The following TJP1 variants were observed in gnomAD, a reference collection of about 807,000 sequenced individuals.
The protein encoded by TJP1 is tight junction protein 1, also known as tight junction protein ZO-1.
In TJP1, 43 loss-of-function variants were observed where a neutral mutation model predicts 194.2. That is an observed-to-expected ratio of 0.22 (90% confidence interval 0.17 to 0.29). The LOEUF is 0.29. Among genes scored for constraint, TJP1 ranks in the 10% least tolerant of loss-of-function variants. The pLI, the probability that TJP1 is intolerant of heterozygous loss-of-function variation, is 1.00. For synonymous variants in TJP1, 801 were observed against 779.0 expected (o/e 1.03, Z -0.47); for missense variants, 1,971 against 2,185.7 (o/e 0.90, Z 1.96).
At chr15:29,735,078 T>G (rs541265327) in intron 11 of TJP1, among the ~76,000 whole-genome samples, 20 of 152,288 alleles carry the variant, frequency 1.3e-4, no homozygotes, top group African/African-American at 4.6e-4. Flanking sequence ...GCTCAGTGTT[T>G]GCCAAGTTAA....
At chr15:29,833,048 C>T (rs2050886940) in intron 2 of TJP1, among the ~76,000 whole-genome samples, 1 of 152,186 alleles carries the variant, frequency 6.6e-6, no homozygotes, top group Non-Finnish European at 1.5e-5. Flanking sequence ...GAGAACAAAT[C>T]ATGTTTCCTC....
intron 8 of TJP1, among the ~76,000 whole-genome samples, chr15:29,754,208 CAT>C (rs754688757): frequency 2.6e-5 from 4 of 152,144 alleles, no homozygotes; most frequent in African/African-American, 9.7e-5. Flanking sequence ...TAAAAAAGAA[CAT>C]GTCTTTTGCC....
rs545102017 is a variant in TJP1 at position 29,733,302 on chromosome 15, T to C, written c.1528A>G (p.Ile510Val). ...GAATCTCCTACATCTGATTCTACAA[T>C]GCGACGATAAACTAAAAGGAATAAA... ...AQKKKDVYRR[I>V]VESDVGDSFY... Residue 510 changes from isoleucine (I) to valine (V), a missense_variant, in exon 13 of 28, where the codon ATT (isoleucine) becomes GTT (valine). Physicochemically the swap from Ile to Val is conservative, Grantham distance 29 (BLOSUM62 3). Transcript: ENST00000614355. The C allele has an allele frequency of 6.2e-7, 1 of 1,609,780 alleles. No individual in the cohort carries two copies.
At chr15:29,850,356 A>C (rs116038036) in intron 2 of TJP1, among the ~76,000 whole-genome samples, 5,861 of 152,152 alleles carry the variant, frequency 0.039, 401 homozygotes, top group African/African-American at 0.13. Flanking sequence ...TTTGATACGG[A>C]GTCTCACTCT....
chr15:29,753,483 CAAAAAAAAAAAAAAAA>C (rs34221786), intron 8 of TJP1, among the ~76,000 whole-genome samples: 14 of 47,938 alleles, frequency 2.9e-4, no homozygotes, highest in Non-Finnish European at 5.2e-4. Flanking sequence ...GACTCTGTGT[CAAAAAAAAAAAAAAAA>C]AAAAAAAAAA....
intron 1 of TJP1, among the ~76,000 whole-genome samples, chr15:29,967,804 T>C (rs1043176018): frequency 1.3e-5 from 2 of 152,226 alleles, no homozygotes; most frequent in Non-Finnish European, 2.9e-5. Context: ...CTGTGCTCAA[T>C]TGAATTGAAT....
In TJP1 at chr15:29,783,840, A is replaced by G. The variant is rs374092845; in HGVS notation, c.85-10483T>C. On this transcript the variant is annotated intron_variant, in intron 2 of 27. Transcript: ENST00000614355. ...GAGGTGGGAGAGGAGCAGAGAAAGT[A>G]ACTATTCGGTACTAGGCTTAGTACT... Among the ~76,000 whole-genome samples the G allele has an allele frequency of 3.0e-4, 46 of 152,302 alleles. No homozygotes were observed. In the East Asian group the frequency reaches 7.0e-3, roughly 23 times the overall value.
At chr15:29,841,825 G>C (rs960726515) in intron 2 of TJP1, among the ~76,000 whole-genome samples, 1 of 151,664 alleles carries the variant, frequency 6.6e-6, no homozygotes, top group Non-Finnish European at 1.5e-5. Flanking sequence ...ATGTGATTGA[G>C]AAGCATCGAA....
chr15:29,948,569 G>T (rs1269841293), intron 2 of TJP1, among the ~76,000 whole-genome samples: 1 of 152,168 alleles, frequency 6.6e-6, no homozygotes, highest in Admixed American at 6.5e-5. Context: ...GAGAGCCACA[G>T]AAAGAGACAC....
At chr15:29,903,093 AG>A (rs1046479845) in intron 2 of TJP1, among the ~76,000 whole-genome samples, 1 of 152,038 alleles carries the variant, frequency 6.6e-6, no homozygotes, top group Admixed American at 6.6e-5. Flanking sequence ...ACACACTAGA[AG>A]GGGGCCCTTG....
intron 2 of TJP1, among the ~76,000 whole-genome samples, chr15:29,902,063 G>A (rs2053651692): frequency 6.6e-6 from 1 of 152,094 alleles, no homozygotes; most frequent in Non-Finnish European, 1.5e-5. Flanking sequence ...AACCCTGAAT[G>A]CAACTCTATT....
At chr15:29,757,207 G>T (rs981603369) in intron 8 of TJP1, among the ~76,000 whole-genome samples, 21 of 152,182 alleles carry the variant, frequency 1.4e-4, no homozygotes, top group African/African-American at 5.1e-4. Context: ...TGAAGATGAA[G>T]AGGTTATTAT....
At chr15:29,737,562 AGT>A in intron 10 of TJP1, 148 bp from the exon 11 acceptor site, 1 of 854,428 alleles carries the variant, frequency 1.2e-6, no homozygotes. Flanking sequence ...AATAAAATTT[AGT>A]GTTAGAATTC....
intron 2 of TJP1, among the ~76,000 whole-genome samples, chr15:29,890,046 T>C (rs2053249004): frequency 6.6e-6 from 1 of 152,196 alleles, no homozygotes; most frequent in African/African-American, 2.4e-5. Flanking sequence ...TTTTCTCCTC[T>C]TCCACCCCTC....
At position 29,783,246 on chromosome 15, in the gene TJP1, C is replaced by T. The variant is rs142561097; in HGVS notation, c.85-9889G>A. Among the ~76,000 whole-genome samples, 16 of 152,180 alleles carry T rather than the reference C, an allele frequency of 1.1e-4. No homozygotes were observed. The East Asian group carries it at 3.1e-3, about 29-fold the overall frequency. On this transcript the variant is annotated intron_variant, in intron 2 of 27. Transcript: ENST00000614355. ...CCAAGATTGTGCCACTGCACTCCAG[C>T]CTGGGCAAAAAGAGCAAAACTCCAT... is the stretch of plus-strand genomic sequence containing the variant.
chr15:29,876,150 G>C (rs1434249790), intron 2 of TJP1, among the ~76,000 whole-genome samples: 25 of 152,176 alleles, frequency 1.6e-4, no homozygotes, highest in Admixed American at 1.6e-3. Flanking sequence ...CATTAAGCTT[G>C]TCTAACCTGC....
In TJP1 at chr15:29,898,707, T is replaced by C. The variant is rs929844317; in HGVS notation, c.306+57525A>G. ...TTCAAAGGATGTTCATCAGAGCATT[T>C]TGGATTTCAGATTTTCAGATTACGG... On this transcript the variant is annotated intron_variant, in intron 2 of 28. Coordinates refer to the TJP1 transcript ENST00000356107. 7.2e-5 allele frequency among the ~76,000 whole-genome samples: 11 copies of C among 152,346 alleles called. 1 individual carries two copies. The highest frequency in any genetic ancestry group is 3.3e-4 in the Admixed American group (5 of 15,308).
intron 2 of TJP1, among the ~76,000 whole-genome samples, chr15:29,778,212 C>T (rs376334491): frequency 5.9e-5 from 9 of 151,974 alleles, no homozygotes; most frequent in Non-Finnish European, 8.8e-5. Context: ...AGGAGCCCTG[C>T]GACTTCTTAC....
intron 8 of TJP1, among the ~76,000 whole-genome samples, chr15:29,747,326 A>C (rs2044863097): frequency 6.6e-6 from 1 of 152,106 alleles, no homozygotes; most frequent in Non-Finnish European, 1.5e-5. Context: ...AAAAGATCAA[A>C]ATTTTTAGCC....
Sources: gnomAD v4.1 joint callset for allele counts (sites outside exome capture counted in the v4.1 genomes callset) on GRCh38, gnomAD v4.1.1 for gene constraint, MANE v1.5 for transcripts, NCBI Gene and HGNC (gene_info 2026-07-23, HGNC 2026-07-21) for gene names.